The following LRRC28 variants were observed in gnomAD, a reference collection of about 807,000 sequenced individuals.
LRRC28 encodes the protein leucine-rich repeat-containing protein 28.
A neutral mutation model predicts 45.7 loss-of-function variants in LRRC28; 39 were observed. The ratio of observed to expected loss-of-function variants is 0.85; its 90% confidence interval spans 0.66 to 1.12. The LOEUF (loss-of-function observed/expected upper bound fraction) is 1.12, where lower values mean the gene tolerates loss of function less well. Among genes scored for constraint, LRRC28 ranks in the 50% most tolerant of loss-of-function variants. The pLI is 0.00. For missense variants in LRRC28, 435 were observed against 438.5 expected, an observed-to-expected ratio of 0.99 and a Z score of 0.07; for synonymous variants, 206 against 178.8, an observed-to-expected ratio of 1.15 and a Z score of -1.22.
intron 2 of LRRC28, among the ~76,000 whole-genome samples, chr15:99,274,106 G>A (rs1189031552): frequency 6.6e-6 from 1 of 152,102 alleles, no homozygotes; most frequent in Non-Finnish European, 1.5e-5. Flanking sequence ...TAGAAATATG[G>A]GGCAAAAAGA....
At chr15:99,363,437 G>A in intron 9 of LRRC28, 172 bp downstream of exon 9, 1 of 649,984 alleles carries the variant, frequency 1.5e-6, no homozygotes, top group Non-Finnish European at 2.5e-6. Flanking sequence ...CAAGAAAACT[G>A]GACTTGCCTT....
At chr15:99,365,022 T>G (rs1957303001) in intron 9 of LRRC28, among the ~76,000 whole-genome samples, 1 of 152,186 alleles carries the variant, frequency 6.6e-6, no homozygotes, top group African/African-American at 2.4e-5. Context: ...AATATGAAAA[T>G]GTAAACAAAA....
In LRRC28 at chr15:99,386,189, A is replaced by C; in HGVS notation, c.*87A>C. ...CACACTCTTCCATCCTGTCCTGTCC[A>C]ATGCGGGGGCACTGCAGAACTCTCT... On this transcript the variant is annotated 3_prime_UTR_variant, in exon 10 of 10. Transcript: ENST00000301981. The C allele has an allele frequency of 9.6e-7, 1 of 1,036,742 alleles. No individual in the cohort carries two copies. Among genetic ancestry groups the C allele is most frequent in the South Asian group, 1.3e-5 (1 of 77,602 alleles). 64.2% of individuals were successfully genotyped at this position (1,036,742 alleles called of 1,614,324 possible).
intron 2 of LRRC28, chr15:99,257,884 T>C (rs984425542): frequency 2.6e-6 from 2 of 773,742 alleles, no homozygotes; most frequent in African/African-American, 1.7e-5. Context: ...GTTAACAGAA[T>C]GATGAAACTT....
intron 5 of LRRC28, among the ~76,000 whole-genome samples, chr15:99,326,038 C>T (rs752504229): frequency 6.6e-6 from 1 of 152,016 alleles, no homozygotes; most frequent in Non-Finnish European, 1.5e-5. Flanking sequence ...GTAGAGGTCT[C>T]GGAGAGGCTA....
intron 5 of LRRC28, among the ~76,000 whole-genome samples, chr15:99,312,542 G>A (rs78710574): frequency 0.14 from 21,904 of 152,038 alleles, 1,613 homozygotes; most frequent in Non-Finnish European, 0.17. Flanking sequence ...ATAAGTAGAC[G>A]GAGTACACTC....
At chr15:99,322,507 A>C (rs530575549) in intron 5 of LRRC28, among the ~76,000 whole-genome samples, 71 of 152,240 alleles carry the variant, frequency 4.7e-4, no homozygotes, top group African/African-American at 5.1e-4. Flanking sequence ...ATTTCTCTCT[A>C]TTCTATAGAG....
At chr15:99,350,466 A>G (rs1289484635) in intron 6 of LRRC28, among the ~76,000 whole-genome samples, 2 of 152,200 alleles carry the variant, frequency 1.3e-5, no homozygotes, top group South Asian at 2.1e-4. Context: ...TCCAGAACCC[A>G]TTTGTGAAGC....
At chr15:99,332,401 C>G (rs934301549) in intron 5 of LRRC28, among the ~76,000 whole-genome samples, 11 of 152,132 alleles carry the variant, frequency 7.2e-5, no homozygotes, top group African/African-American at 2.7e-4. Flanking sequence ...AACTTCCTAG[C>G]ACAAATTCGT....
Position 99,387,341 on chromosome 15 carries a change from TGAG to T in LRRC28, c.*1240_*1242del, listed in dbSNP as rs1958054249. The stretch of plus-strand genomic sequence containing the variant: ...TCCCAAAGTGCTGGGATTACAGGCG[TGAG>T]CCACCGCGCCCGGCCCACTACTGGT... On this transcript the variant is annotated 3_prime_UTR_variant, in exon 10 of 10. Coordinates refer to ENST00000301981, the MANE Select transcript of LRRC28 (RefSeq NM_144598.5). 6.6e-6 allele frequency: 1 copy of T among 152,112 alleles called. No individual in the cohort carries two copies. Among genetic ancestry groups the T allele is most frequent in the Non-Finnish European group, 1.5e-5 (1 of 68,062 alleles). 9.4% of individuals were successfully genotyped at this position (152,112 alleles called of 1,614,324 possible).
rs184052148 is a variant in LRRC28, at chr15:99,329,492, G to C, written c.386-4431G>C. On this transcript the variant is annotated intron_variant, in intron 5 of 9. Coordinates refer to ENST00000301981, the MANE Select transcript of LRRC28 (RefSeq NM_144598.5). ...CATCTTCGCATAATTTCCAACACTG[G>C]AGGTATAAATTGTGTAAAAATTTCG... Among the ~76,000 whole-genome samples, 336 of 152,278 alleles carry C rather than the reference G, an allele frequency of 2.2e-3. 2 individuals carry two copies. The highest frequency in any genetic ancestry group is 3.6e-3 in the Non-Finnish European group (243 of 68,020).
chr15:99,363,371 G>T, intron 9 of LRRC28, 106 bp downstream of exon 9: 1 of 1,140,566 alleles, frequency 8.8e-7, no homozygotes, highest in South Asian at 1.6e-5. Flanking sequence ...TTTTAAAGGG[G>T]CATAACATGC....
chr15:99,286,990 A>G (rs1445024645), intron 3 of LRRC28: 2 of 300,412 alleles, frequency 6.7e-6, no homozygotes, highest in Non-Finnish European at 1.2e-5. Context: ...AAGACCTTAT[A>G]GTTTATCCAT....
chr15:99,298,737 C>G lies in LRRC28; in HGVS notation c.385+10786C>G, dbSNP rs144687730. Among the ~76,000 whole-genome samples, 42 of 152,290 alleles carry G rather than the reference C, an allele frequency of 2.8e-4. 1 individual carries two copies. The East Asian group carries it at 5.6e-3, about 20-fold the overall frequency. ...CAGAGGTCTAATTGTGAGATGGAGT[C>G]TCGCTCTGTTGCGCAGGCTGGAGTG... On this transcript the variant is annotated intron_variant, in intron 5 of 9. Coordinates refer to ENST00000301981, the MANE Select transcript of LRRC28 (RefSeq NM_144598.5).
chr15:99,339,720 A>G (rs1223215562), intron 6 of LRRC28, among the ~76,000 whole-genome samples: 1 of 152,134 alleles, frequency 6.6e-6, no homozygotes, highest in Non-Finnish European at 1.5e-5. Context: ...GTGAGAAAAA[A>G]AAAAAAAAGC....
intron 5 of LRRC28, among the ~76,000 whole-genome samples, chr15:99,294,225 T>A (rs1323546131): frequency 1.3e-5 from 2 of 152,212 alleles, no homozygotes; most frequent in Non-Finnish European, 2.9e-5. Flanking sequence ...AAGTTTCCTT[T>A]TATTAATTTT....
intron 3 of LRRC28, among the ~76,000 whole-genome samples, chr15:99,286,219 C>T (rs1471286386): frequency 6.6e-6 from 1 of 152,188 alleles, no homozygotes; most frequent in Non-Finnish European, 1.5e-5. Flanking sequence ...CAACCTCCGC[C>T]TCCCAGGTTC....
rs917405215 is a variant in LRRC28 at position 99,363,096 on chromosome 15, T to C, written c.872-10T>C. The C allele has an allele frequency of 1.3e-6, 2 of 1,597,766 alleles. No individual in the cohort carries two copies. Among genetic ancestry groups the C allele is most frequent in the African/African-American group, 2.7e-5 (2 of 74,216 alleles). The stretch of plus-strand genomic sequence containing the variant: ...TTTACTCGTGTGCGTGATTTTCTTT[T>C]GTGTTCCAGATTTGAACTTTCTGTC... On this transcript the variant is annotated splice_polypyrimidine_tract_variant and intron_variant, in intron 8 of 9. Transcript: ENST00000301981.
chr15:99,384,508 G>A (rs1221841171), intron 9 of LRRC28: 3 of 152,090 alleles, frequency 2.0e-5, no homozygotes, highest in Admixed American at 6.6e-5. Context: ...TTCACTTAAG[G>A]CCACCATAAA....
Sources: allele counts gnomAD v4.1 joint callset (sites outside exome capture counted in the v4.1 genomes callset), GRCh38; gene constraint gnomAD v4.1.1; transcripts MANE v1.5; gene names NCBI Gene and HGNC (gene_info 2026-07-23, HGNC 2026-07-21).